CNOT3: variants seen among roughly 807,000 people sequenced by gnomAD.
CNOT3 encodes the protein CCR4-NOT transcription complex subunit 3.
CNOT3 carries 2 observed loss-of-function variants against 89.4 expected under a neutral mutation model. That is an observed-to-expected ratio of 0.02 (90% CI 0.01 to 0.07). The LOEUF is 0.07. CNOT3 is among the 10% of genes least tolerant of loss of function. CNOT3 has a pLI of 1.00. For synonymous variants in CNOT3, 486 were observed against 402.0 expected, an observed-to-expected ratio of 1.21 and a Z score of -2.50; for missense variants, 664 against 1,010.2, an observed-to-expected ratio of 0.66 and a Z score of 4.65.
In CNOT3 at chr19:54,153,035, C is replaced by T. The variant is rs750443288; in HGVS notation, c.2037+36C>T. On this transcript the variant is annotated intron_variant, in intron 16 of 17. Coordinates refer to ENST00000221232, the MANE Select transcript of CNOT3 (RefSeq NM_014516.4). ...GCCCCCGGGGCAGCCTCGGGCCCCC[C>T]GGCTTCGCCGCCACCGCCGCCGTCC... The T allele has an allele frequency of 7.5e-5, 119 of 1,583,114 alleles. 1 individual carries two copies. The highest frequency in any genetic ancestry group is 3.4e-4 in the African/African-American group (25 of 73,930).
chr19:54,146,061 A>G lies in CNOT3; in HGVS notation c.837+18A>G, dbSNP rs202070437. ...GTACCACGGTGAGGCCCCACGGGACACTAGTACCTTGTGTTTCCAGCAGGG... is the reference window on the plus strand; with the variant it reads ...GTACCACGGTGAGGCCCCACGGGACGCTAGTACCTTGTGTTTCCAGCAGGG... On this transcript the variant is annotated intron_variant, in intron 9 of 17. Transcript: ENST00000221232. 1.9e-6 allele frequency: 3 copies of G among 1,610,548 alleles called. No homozygotes were observed. The highest frequency in any genetic ancestry group is 2.2e-5 in the East Asian group (1 of 44,822).
intron 3 of CNOT3, 35 bp downstream of exon 3, chr19:54,143,221 CAG>C (rs2074524228): frequency 6.3e-7 from 1 of 1,583,810 alleles, no homozygotes; most frequent in South Asian, 1.1e-5. Context: ...TCTGGGTCTT[CAG>C]AGAGGAGGGC....
In CNOT3 at chr19:54,143,818, G is replaced by A; in HGVS notation, c.258+69G>A. 3.2e-6 allele frequency: 5 copies of A among 1,545,280 alleles called. No homozygotes were observed. In the South Asian group the frequency reaches 4.5e-5, roughly 14 times the overall value. ...CAGATTCTTGAGATCCCAAGGGGCG[G>A]AGGCAGAGCGGCCAGACCCCAGAGG... On this transcript the variant is annotated intron_variant, in intron 5 of 17. Coordinates refer to ENST00000221232, the MANE Select transcript of CNOT3 (RefSeq NM_014516.4).
At position 54,142,993 on chromosome 19, in the gene CNOT3, C is replaced by T; in HGVS notation, c.15C>T (p.Arg5=). The T allele has an allele frequency of 1.2e-6, 2 of 1,614,098 alleles. No individual in the cohort carries two copies. Among genetic ancestry groups the T allele is most frequent in the African/African-American group, 1.3e-5 (1 of 75,044 alleles). Residue 5 remains arginine, a synonymous_variant, in exon 2 of 18, where the codon CGC becomes CGT. Transcript: ENST00000221232. MADK[R]KLQGEIDRCL... is the part of the protein sequence containing the mutation. ...GGGCAGGGAAGATGGCGGACAAGCG[C>T]AAACTCCAAGGTACTAGACTGACTT...
chr19:54,153,450 T>A, intron 16 of CNOT3: 1 of 774,142 alleles, frequency 1.3e-6, no homozygotes, highest in Non-Finnish European at 2.4e-6. Context: ...CTAAATTGCC[T>A]CCTCTCTCAG....
At chr19:54,142,820 T>G (rs2074506722) in intron 1 of CNOT3, 109 bp from the exon 2 acceptor site, 3 of 709,506 alleles carry the variant, frequency 4.2e-6, no homozygotes, top group Non-Finnish European at 7.5e-6. Context: ...AGCAAATGCT[T>G]CTTCTCTTTA....
At chr19:54,149,874 C>T in intron 13 of CNOT3, 116 bp downstream of exon 13, 1 of 1,077,030 alleles carries the variant, frequency 9.3e-7, no homozygotes, top group Non-Finnish European at 1.3e-6. Flanking sequence ...CTCTGGCTTT[C>T]TGTCCCCTTC....
At chr19:54,141,234 C>T (rs1309761905) in intron 1 of CNOT3, among the ~76,000 whole-genome samples, 2 of 152,164 alleles carry the variant, frequency 1.3e-5, no homozygotes, top group African/African-American at 2.4e-5. Context: ...GTTGCTTTGC[C>T]TTCTTAGAGA....
chr19:54,155,613 G>A lies in CNOT3; in HGVS notation c.*206G>A. ...GGGCTGCCCCCTCCTCCCCTCCCCAGTGAGGGACATTTTTTGGTAAACCTA... is the reference window on the plus strand; with the variant it reads ...GGGCTGCCCCCTCCTCCCCTCCCCAATGAGGGACATTTTTTGGTAAACCTA... On this transcript the variant is annotated 3_prime_UTR_variant, in exon 18 of 18. Transcript: ENST00000221232. 2.4e-6 allele frequency: 3 copies of A among 1,237,844 alleles called. No homozygotes were observed. The highest frequency in any genetic ancestry group is 2.2e-6 in the Non-Finnish European group (2 of 892,944). The allele number at this position is 1,237,844 out of a possible 1,614,324, so 76.7% of individuals were successfully genotyped here. A position where few individuals can be genotyped will look rare whatever the true frequency, so the allele number is the denominator to read the frequency against.
At chr19:54,140,632 G>C (rs1312564638) in intron 1 of CNOT3, among the ~76,000 whole-genome samples, 1 of 152,116 alleles carries the variant, frequency 6.6e-6, no homozygotes, top group Non-Finnish European at 1.5e-5. Flanking sequence ...GCCTCTCTAG[G>C]GGACAAGTAC....
In CNOT3 at chr19:54,148,518, A is replaced by T. The variant is rs1224610671; in HGVS notation, c.1265A>T (p.Lys422Met). 2 of 1,558,620 alleles carry T rather than the reference A, an allele frequency of 1.3e-6. No individual in the cohort carries two copies. The highest frequency in any genetic ancestry group is 1.7e-6 in the Non-Finnish European group (2 of 1,148,246). ...AGCAGTGCCGGTGGAGGGGCTGGCA[A>T]GCAGAATGGCGCCACCAGTGAGTGA... ...SNSSAGGGAG[K>M]QNGATSYSSV... Residue 422 changes from lysine to methionine, a missense_variant, in exon 11 of 18, where the codon AAG (lysine) becomes ATG (methionine). Lys to Met is a moderately conservative substitution (Grantham distance 95). This residue lies in a region of CNOT3 where 545 missense variants were observed against 566.2 expected (regional missense o/e 0.96). Coordinates refer to ENST00000221232, the MANE Select transcript of CNOT3 (RefSeq NM_014516.4). This position sits in a 1 kb window ranked among gnomAD's most constrained non-coding sequence, Gnocchi z 6.3.
At chr19:54,153,035 C>CG (rs2075213912) in intron 16 of CNOT3, 36 bp downstream of exon 16, 2 of 1,583,114 alleles carry the variant, frequency 1.3e-6, no homozygotes, top group South Asian at 2.3e-5. Context: ...TCGGGCCCCC[C>CG]GGCTTCGCCG....
In CNOT3 at chr19:54,144,349, C is replaced by T. The variant is rs141089891; in HGVS notation, c.483+17C>T. On this transcript the variant is annotated intron_variant, in intron 7 of 17. Coordinates refer to ENST00000221232, the MANE Select transcript of CNOT3 (RefSeq NM_014516.4). The surrounding 1 kb of genome is among the most constrained non-coding windows in gnomAD (Gnocchi z 4.8). ...GACAAGGATGTGAGTGAGGGAGACC[C>T]GACACCTTTGGGATGGGGATGGGCA... The T allele has an allele frequency of 2.6e-4, 415 of 1,593,170 alleles. 4 individuals carry two copies. The East Asian group carries it at 8.4e-3, about 32-fold the overall frequency.
intron 16 of CNOT3, chr19:54,153,435 A>G (rs2075249656): frequency 1.3e-6 from 1 of 772,114 alleles, no homozygotes; most frequent in East Asian, 2.5e-5. Context: ...CACTTGGGAA[A>G]TTTTCTAAAT....
chr19:54,143,533 C>T lies in CNOT3; in HGVS notation c.168+17C>T, dbSNP rs2074541814. On this transcript the variant is annotated intron_variant, in intron 4 of 17. Transcript: ENST00000221232. ...AAGCTACAAGTGAGGGGGCTGGGGGCCTGGACGCCTTTGTCCTGAGGGTAG... is the reference window on the plus strand; with the variant it reads ...AAGCTACAAGTGAGGGGGCTGGGGGTCTGGACGCCTTTGTCCTGAGGGTAG... 2 of 1,613,222 alleles carry T rather than the reference C, an allele frequency of 1.2e-6. No individual in the cohort carries two copies. Among genetic ancestry groups the T allele is most frequent in the Admixed American group, 1.7e-5 (1 of 59,984 alleles).
rs2074605924 is a variant in CNOT3, at chr19:54,145,099, G to A, written c.484-499G>A. ...GGGCAGGAGCGAGGCTTAGGAATCT[G>A]GGCTCTCTCAGGGATAAATGGGTAG... is the stretch of plus-strand genomic sequence containing the variant. On this transcript the variant is annotated intron_variant, in intron 7 of 17. Transcript: ENST00000221232. This position sits in a 1 kb window ranked among gnomAD's most constrained non-coding sequence, Gnocchi z 5.9. Among the ~76,000 whole-genome samples, 1 of 152,070 alleles carries A rather than the reference G, an allele frequency of 6.6e-6. No homozygotes were observed. Among genetic ancestry groups the A allele is most frequent in the East Asian group, 1.9e-4 (1 of 5,182 alleles).
In CNOT3 at chr19:54,155,674, T is replaced by C; in HGVS notation, c.*267T>C. On this transcript the variant is annotated 3_prime_UTR_variant, in exon 18 of 18. Transcript: ENST00000221232. ...GGAAAATATTTATGAATAAATAGTT[T>C]TATATGACGGCTGGCAGCAGCGGCC... 2 of 1,479,492 alleles carry C rather than the reference T, an allele frequency of 1.4e-6. No individual in the cohort carries two copies. The highest frequency in any genetic ancestry group is 1.8e-6 in the Non-Finnish European group (2 of 1,088,248). The allele number at this position is 1,479,492 out of a possible 1,614,324, so 91.6% of individuals were successfully genotyped here.
chr19:54,152,708 T>G (rs1219558755), intron 15 of CNOT3, 82 bp downstream of exon 15: 3 of 1,245,574 alleles, frequency 2.4e-6, no homozygotes, highest in Non-Finnish European at 3.5e-6. Flanking sequence ...AGGCTGTGGG[T>G]AGAGCACCAG....
chr19:54,152,315 G>C lies in CNOT3; in HGVS notation c.1695G>C (p.Leu565=). The C allele has an allele frequency of 6.2e-7, 1 of 1,614,194 alleles. No individual in the cohort carries two copies. Among genetic ancestry groups the C allele is most frequent in the Non-Finnish European group, 8.5e-7 (1 of 1,180,014 alleles). ...GIEDPVPTLH[L]TERDIILSST... is the part of the protein sequence containing the mutation. ...AGGACCCTGTGCCAACGCTGCACCT[G>C]ACCGAGCGAGGTGAGGGACCCAGGA... Residue 565 remains leucine (L), a synonymous_variant, in exon 14 of 18, where the codon CTG becomes CTC. Transcript: ENST00000221232.
Sources: gnomAD v4.1 joint callset for allele counts (sites outside exome capture counted in the v4.1 genomes callset) on GRCh38, gnomAD v4.1.1 for gene constraint, gnomAD v4.1.1 regional missense constraint, Gnocchi (gnomAD v3.1) non-coding constraint, MANE v1.5 for transcripts, NCBI Gene and HGNC (gene_info 2026-07-23, HGNC 2026-07-21) for gene names.